SENP1: variants seen among roughly 807,000 people sequenced by gnomAD.
The protein encoded by SENP1 is sentrin-specific protease 1.
In SENP1, 21 loss-of-function variants were observed where a neutral mutation model predicts 93.0. The ratio of observed to expected loss-of-function variants is 0.23; its 90% CI spans 0.16 to 0.33. SENP1 has a LOEUF of 0.33. SENP1 is among the 10% of genes least tolerant of loss of function. The pLI is 1.00. For missense variants in SENP1, 591 were observed against 758.7 expected, an observed-to-expected ratio of 0.78 and a Z score of 2.60; for synonymous variants, 256 against 259.6, an observed-to-expected ratio of 0.99 and a Z score of 0.13.
Position 48,101,528 on chromosome 12 carries a change from G to C in SENP1, c.-44-12C>G. 1.4e-6 allele frequency: 2 copies of C among 1,477,388 alleles called. No homozygotes were observed. Among genetic ancestry groups the C allele is most frequent in the Admixed American group, 1.9e-5 (1 of 53,320 alleles). The allele number at this position is 1,477,388 out of a possible 1,614,324, so 91.5% of individuals were successfully genotyped here. A position where few individuals can be genotyped will look rare whatever the true frequency, so the allele number is the denominator to read the frequency against. On this transcript the variant is annotated splice_polypyrimidine_tract_variant and intron_variant, in intron 1 of 17. Transcript: ENST00000549518. ...AAAGATACAAAGTCCTATAAAAGAA[G>C]ACACAAAACAGAAAAATTACATACT... is the stretch of plus-strand genomic sequence containing the variant.
intron 10 of SENP1, among the ~76,000 whole-genome samples, chr12:48,065,926 C>T (rs1943265845): frequency 1.3e-5 from 2 of 152,106 alleles, no homozygotes; most frequent in Admixed American, 1.3e-4. Context: ...TAGTCTCAAA[C>T]TCCTGGGCTC....
In SENP1 at chr12:48,106,075, A is replaced by G; in HGVS notation, c.-92T>C. 1 of 702,600 alleles carries G rather than the reference A, an allele frequency of 1.4e-6. No homozygotes were observed. The highest frequency in any genetic ancestry group is 2.6e-6 in the Non-Finnish European group (1 of 384,778). 43.5% of individuals were successfully genotyped at this position (702,600 alleles called of 1,614,324 possible). ...CGAAGGGGTTTCCGGCCGGGCGCGG[A>G]ACGCAAAACCCGGGAACCGCCGCGA... is the stretch of plus-strand genomic sequence containing the variant. On this transcript the variant is annotated 5_prime_UTR_variant, in exon 1 of 18. Transcript: ENST00000549518.
At chr12:48,047,469 T>C (rs1221592577) in intron 15 of SENP1, among the ~76,000 whole-genome samples, 1 of 152,240 alleles carries the variant, frequency 6.6e-6, no homozygotes, top group Admixed American at 6.5e-5. Context: ...TTGGCTCTCC[T>C]ATCTAAAAAT....
chr12:48,096,722 C>T (rs184364222), intron 3 of SENP1, among the ~76,000 whole-genome samples: 1,805 of 152,266 alleles, frequency 0.012, 30 homozygotes, highest in African/African-American at 0.027. Flanking sequence ...TCCCAAAATG[C>T]TGGGATTACA....
chr12:48,084,968 C>A (rs1944748125), intron 5 of SENP1: 1 of 620,798 alleles, frequency 1.6e-6, no homozygotes, highest in Non-Finnish European at 2.8e-6. Context: ...GTGCATAATT[C>A]TCTTTAAGTC....
At chr12:48,105,960 C>T in intron 1 of SENP1, 68 bp downstream of exon 1, 1 of 697,120 alleles carries the variant, frequency 1.4e-6, no homozygotes. Flanking sequence ...CTGACCGGGT[C>T]CGACACAGTC....
intron 2 of SENP1, 95 bp downstream of exon 2, chr12:48,101,374 G>A: frequency 1.1e-6 from 1 of 940,952 alleles, no homozygotes; most frequent in Non-Finnish European, 1.6e-6. Flanking sequence ...TAAGCACAAA[G>A]ATACAAATAC....
At chr12:48,098,173 G>A (rs745977133) in intron 2 of SENP1, 49 bp from the exon 3 acceptor site, 9 of 1,569,614 alleles carry the variant, frequency 5.7e-6, no homozygotes, top group African/African-American at 2.7e-5. Flanking sequence ...CTTCAATAAC[G>A]TTTTTCCTAT....
chr12:48,068,158 A>C (rs1285517814), intron 9 of SENP1, among the ~76,000 whole-genome samples: 3 of 152,134 alleles, frequency 2.0e-5, no homozygotes, highest in Admixed American at 6.5e-5. Flanking sequence ...TACAGGCATG[A>C]GCCACCATGC....
Position 48,096,434 on chromosome 12 carries a change from A to C in SENP1, c.136-7T>G. The stretch of plus-strand genomic sequence containing the variant: ...CTTGCCTGGAAGATAAAATCTAAAC[A>C]AAGCAGAAGATTTTTCTTAAGTCAC... On this transcript the variant is annotated splice_polypyrimidine_tract_variant and splice_region_variant and intron_variant, in intron 3 of 17. Transcript: ENST00000549518. 1.3e-6 allele frequency: 2 copies of C among 1,584,398 alleles called. No individual in the cohort carries two copies. Among genetic ancestry groups the C allele is most frequent in the Non-Finnish European group, 1.7e-6 (2 of 1,158,316 alleles).
chr12:48,100,503 C>T (rs575360399), intron 2 of SENP1, among the ~76,000 whole-genome samples: 33 of 134,904 alleles, frequency 2.4e-4, no homozygotes, highest in African/African-American at 7.6e-4. Flanking sequence ...TGGCGGCGCA[C>T]GCATGTTTGT....
chr12:48,073,571 AAAG>A (rs1382573023), intron 8 of SENP1, among the ~76,000 whole-genome samples: 6 of 152,176 alleles, frequency 3.9e-5, no homozygotes, highest in African/African-American at 1.4e-4. Flanking sequence ...ATACATACCT[AAAG>A]AAGGGGGAAA....
intron 13 of SENP1, among the ~76,000 whole-genome samples, chr12:48,056,520 A>G (rs1942403628): frequency 1.5e-5 from 1 of 65,972 alleles, no homozygotes; most frequent in South Asian, 5.7e-4. Context: ...ATTATTTAAT[A>G]TATTACATAT....
chr12:48,101,905 T>C (rs1480428164), intron 1 of SENP1, among the ~76,000 whole-genome samples: 1 of 152,188 alleles, frequency 6.6e-6, no homozygotes, highest in Non-Finnish European at 1.5e-5. Flanking sequence ...CTAAATCACT[T>C]CATAAACAAG....
intron 5 of SENP1, among the ~76,000 whole-genome samples, chr12:48,086,087 T>C (rs1317524869): frequency 1.3e-5 from 2 of 152,192 alleles, no homozygotes; most frequent in African/African-American, 4.8e-5. Flanking sequence ...ATTAAAAGTA[T>C]AACAATTATA....
At chr12:48,098,511 C>T (rs1409852849) in intron 2 of SENP1, among the ~76,000 whole-genome samples, 2 of 151,822 alleles carry the variant, frequency 1.3e-5, no homozygotes, top group African/African-American at 2.4e-5. Flanking sequence ...GGCATGGTGG[C>T]GGGTACCTGT....
rs1944647885 is a variant in SENP1, at chr12:48,083,770, AAG to A, written c.381-10_381-9del. Reference sequence around the variant, plus strand: ...AAACTGTTTGATAATCCACTAAAAAAAGAGTTTGTAAGAAAGATAAGAACAGA... The same window carrying A: ...AAACTGTTTGATAATCCACTAAAAAAAGTTTGTAAGAAAGATAAGAACAGA... On this transcript the variant is annotated splice_polypyrimidine_tract_variant and intron_variant, in intron 5 of 17. Transcript: ENST00000549518. 8 of 1,581,108 alleles carry A rather than the reference AAG, an allele frequency of 5.1e-6. No individual in the cohort carries two copies. The highest frequency in any genetic ancestry group is 2.2e-5 in the East Asian group (1 of 44,700).
intron 12 of SENP1, among the ~76,000 whole-genome samples, 175 bp downstream of exon 12, chr12:48,064,890 T>A (rs1259654227): frequency 6.6e-6 from 1 of 152,220 alleles, no homozygotes; most frequent in Non-Finnish European, 1.5e-5. Context: ...TTGGCCAGGC[T>A]GGTCTCGAAC....
intron 16 of SENP1, 24 bp downstream of exon 16, chr12:48,046,954 T>G (rs775601542): frequency 6.5e-7 from 1 of 1,535,618 alleles, no homozygotes; most frequent in Non-Finnish European, 9.0e-7. Flanking sequence ...TTTAGGACTT[T>G]TATTTCATCA....
Sources: allele counts gnomAD v4.1 joint callset (sites outside exome capture counted in the v4.1 genomes callset), GRCh38; gene constraint gnomAD v4.1.1; transcripts MANE v1.5; gene names NCBI Gene and HGNC (gene_info 2026-07-23, HGNC 2026-07-21).